The following MCPH1 variants were observed in gnomAD, a reference collection of about 807,000 sequenced individuals.
The protein encoded by MCPH1 is microcephalin.
In MCPH1, 104 loss-of-function variants were observed where a neutral mutation model predicts 84.5. That is an observed-to-expected ratio of 1.23 (90% CI 1.05 to 1.45). The LOEUF (loss-of-function observed/expected upper bound fraction) is 1.45. Among genes scored for constraint, MCPH1 ranks in the 40% most tolerant of loss-of-function variants. The probability of loss-of-function intolerance (pLI) is 0.00; values close to 1 mark genes in which losing one functional copy is unlikely to be tolerated. For synonymous variants in MCPH1, 514 were observed against 366.8 expected, an observed-to-expected ratio of 1.40 and a Z score of -4.58; for missense variants, 1,498 against 1,005.7, an observed-to-expected ratio of 1.49 and a Z score of -6.62.
At chr8:6,614,070 C>A (rs1830557784) in intron 12 of MCPH1, among the ~76,000 whole-genome samples, 1 of 152,136 alleles carries the variant, frequency 6.6e-6, no homozygotes, top group Non-Finnish European at 1.5e-5. Context: ...CTTTGATGGG[C>A]TCAGTGCAGG....
rs71213328 is a variant in MCPH1, at chr8:6,626,474, G to GTTTTTTTT, written c.2452+4793_2452+4800dup. The GTTTTTTTT allele has an allele frequency of 1.0e-4, 96 of 925,114 alleles. No homozygotes were observed. The East Asian group carries it at 1.5e-3, about 14-fold the overall frequency. The allele number at this position is 925,114 out of a possible 1,614,324, so 57.3% of individuals were successfully genotyped here. ...GGTTGTTGTTTGGTTTTTTTGTTTTGTTTTTTTTTTTTTTTTTGCGTTTTG... is the reference window on the plus strand; with the variant it reads ...GGTTGTTGTTTGGTTTTTTTGTTTTGTTTTTTTTTTTTTTTTTTTTTTTTTGCGTTTTG... On this transcript the variant is annotated intron_variant, in intron 13 of 13. Transcript: ENST00000344683.
At chr8:6,562,410 G>T (rs972931637) in intron 12 of MCPH1, among the ~76,000 whole-genome samples, 2 of 152,206 alleles carry the variant, frequency 1.3e-5, no homozygotes, top group African/African-American at 4.8e-5. Context: ...GAGATTTTCT[G>T]TATTGACTCT....
At chr8:6,578,189 C>G (rs967402143) in intron 12 of MCPH1, among the ~76,000 whole-genome samples, 5 of 152,180 alleles carry the variant, frequency 3.3e-5, no homozygotes, top group African/African-American at 1.2e-4. Context: ...GCTCCAGCCA[C>G]TGTAGTGGCT....
At chr8:6,451,053 G>A (rs1413996725) in intron 8 of MCPH1, among the ~76,000 whole-genome samples, 1 of 152,224 alleles carries the variant, frequency 6.6e-6, no homozygotes, top group African/African-American at 2.4e-5. Context: ...AAGAGGAACT[G>A]TGAATTACTA....
chr8:6,517,150 G>T lies in MCPH1; in HGVS notation c.2214+17221G>T, dbSNP rs117342161. 1.7e-4 allele frequency among the ~76,000 whole-genome samples: 26 copies of T among 152,288 alleles called. No individual in the cohort carries two copies. The East Asian group carries it at 4.8e-3, about 28-fold the overall frequency. On this transcript the variant is annotated intron_variant, in intron 12 of 13. Coordinates refer to ENST00000344683, the MANE Select transcript of MCPH1 (RefSeq NM_024596.5). The stretch of plus-strand genomic sequence containing the variant: ...AAAAGTGCTGAAATTGATTATATCA[G>T]GATCAGCAAAGCAGAAGTCCTCAGA...
At chr8:6,618,310 G>A (rs1480727896) in intron 12 of MCPH1, among the ~76,000 whole-genome samples, 2 of 152,232 alleles carry the variant, frequency 1.3e-5, no homozygotes, top group Non-Finnish European at 2.9e-5. Flanking sequence ...AAATGTACCA[G>A]TGTGGGGGAA....
chr8:6,427,887 G>C (rs1801292883), intron 3 of MCPH1, among the ~76,000 whole-genome samples: 2 of 151,224 alleles, frequency 1.3e-5, no homozygotes, highest in South Asian at 4.2e-4. Context: ...CTGCCTCCCA[G>C]GTTCAAGCGA....
Position 6,643,539 on chromosome 8 carries a change from G to C in MCPH1, c.*490G>C, listed in dbSNP as rs934289055. On this transcript the variant is annotated 3_prime_UTR_variant, in exon 14 of 14. Transcript: ENST00000344683. ...CCTCTTCTATAGAATTCCAGTCTTT[G>C]TGTCTTAGTCATGATCATAATTGAA... is the stretch of plus-strand genomic sequence containing the variant. 2 of 179,056 alleles carry C rather than the reference G, an allele frequency of 1.1e-5. No homozygotes were observed. The highest frequency in any genetic ancestry group is 5.4e-5 in the Admixed American group (1 of 18,498). 11.1% of individuals were successfully genotyped at this position (179,056 alleles called of 1,614,324 possible).
intron 3 of MCPH1, among the ~76,000 whole-genome samples, chr8:6,425,543 G>C (rs1800927000): frequency 6.6e-6 from 1 of 152,150 alleles, no homozygotes; most frequent in Non-Finnish European, 1.5e-5. Context: ...ATGAAATTCA[G>C]GGAGAGCATC....
At chr8:6,594,732 G>C (rs1173476847) in intron 12 of MCPH1, among the ~76,000 whole-genome samples, 1 of 152,040 alleles carries the variant, frequency 6.6e-6, no homozygotes, top group Admixed American at 6.5e-5. Context: ...GGGGAAGGGA[G>C]GATTGGCCTG....
chr8:6,569,794 C>T (rs920813364), intron 12 of MCPH1, among the ~76,000 whole-genome samples: 1 of 152,234 alleles, frequency 6.6e-6, no homozygotes, highest in Admixed American at 6.5e-5. Context: ...TTAGTACTGG[C>T]CGTCACCTCT....
chr8:6,598,891 C>G (rs1409276167), intron 12 of MCPH1, among the ~76,000 whole-genome samples: 4 of 152,262 alleles, frequency 2.6e-5, no homozygotes, highest in Non-Finnish European at 4.4e-5. Context: ...ATGCATTGCT[C>G]TCATCTCAGC....
intron 8 of MCPH1, 102 bp downstream of exon 8, chr8:6,445,649 T>C (rs930410511): frequency 6.8e-7 from 1 of 1,471,946 alleles, no homozygotes; most frequent in African/African-American, 1.4e-5. Flanking sequence ...TATTTCCCCA[T>C]TTACTCCTCT....
chr8:6,568,344 T>C (rs1826382386), intron 12 of MCPH1, among the ~76,000 whole-genome samples: 1 of 150,768 alleles, frequency 6.6e-6, no homozygotes, highest in Admixed American at 6.6e-5. Flanking sequence ...AGTCAGACCA[T>C]CCCAGGTTCC....
At chr8:6,479,199 C>G (rs1808859733) in intron 10 of MCPH1, among the ~76,000 whole-genome samples, 1 of 152,052 alleles carries the variant, frequency 6.6e-6, no homozygotes, top group Admixed American at 6.6e-5. Context: ...CCCTGGAGAT[C>G]AAGGATGCAG....
At chr8:6,495,017 G>T (rs2129561614) in intron 11 of MCPH1, among the ~76,000 whole-genome samples, 1 of 152,272 alleles carries the variant, frequency 6.6e-6, no homozygotes, top group South Asian at 2.1e-4. Flanking sequence ...AGCATTTCTT[G>T]ATGTTATGAG....
At chr8:6,431,446 C>A in intron 3 of MCPH1, 53 bp from the exon 4 acceptor site, 2 of 1,326,940 alleles carry the variant, frequency 1.5e-6, no homozygotes, top group South Asian at 1.2e-5. Context: ...AGTGCTGTGT[C>A]AATGTATAAT....
intron 9 of MCPH1, among the ~76,000 whole-genome samples, chr8:6,463,067 T>C (rs927019474): frequency 6.6e-5 from 10 of 152,196 alleles, no homozygotes; most frequent in East Asian, 1.9e-4. Context: ...AGAGCCAAAA[T>C]AGAGTCTTGG....
intron 12 of MCPH1, among the ~76,000 whole-genome samples, chr8:6,516,966 A>T (rs118192039): frequency 1.3e-3 from 204 of 152,326 alleles, no homozygotes; most frequent in Non-Finnish European, 1.8e-3. Flanking sequence ...TGATGATGAT[A>T]AGGTTATTAG....
Sources: gnomAD v4.1 joint callset for allele counts (sites outside exome capture counted in the v4.1 genomes callset) on GRCh38, gnomAD v4.1.1 for gene constraint, MANE v1.5 for transcripts, NCBI Gene and HGNC (gene_info 2026-07-23, HGNC 2026-07-21) for gene names.